The following LIN7B variants were observed in gnomAD, a reference collection of about 807,000 sequenced individuals.
LIN7B encodes the protein lin-7 cell polarity scaffold B.
LIN7B carries 16 observed loss-of-function variants against 27.9 expected under a neutral mutation model. The ratio of observed to expected loss-of-function variants is 0.57; its 90% CI spans 0.39 to 0.87. The LOEUF (loss-of-function observed/expected upper bound fraction) is 0.87. LIN7B is among the 40% of genes least tolerant of loss of function. The pLI is 0.00. For missense variants in LIN7B, 291 were observed against 288.5 expected, an observed-to-expected ratio of 1.01 and a Z score of -0.06; for synonymous variants, 147 against 120.8, an observed-to-expected ratio of 1.22 and a Z score of -1.42.
intron 2 of LIN7B, 89 bp from the exon 3 acceptor site, chr19:49,115,171 G>A (rs1031339653): frequency 5.1e-6 from 6 of 1,177,918 alleles, no homozygotes; most frequent in African/African-American, 1.6e-5. Context: ...ATCCTTGCGT[G>A]GTAGCGGGAG....
chr19:49,117,869 G>A lies in LIN7B; in HGVS notation c.453G>A (p.Glu151=), dbSNP rs1297073821. The A allele has an allele frequency of 2.5e-6, 4 of 1,613,462 alleles. No individual in the cohort carries two copies. The highest frequency in any genetic ancestry group is 1.7e-5 in the Admixed American group (1 of 59,956). ...LSVNGVSVEG[E]QHEKAVELLK... ...GGGCCCTGCAGAGCGTTGAGGGTGAGCAGCATGAGAAGGCGGTGGAGCTGC... is the reference window on the plus strand; with the variant it reads ...GGGCCCTGCAGAGCGTTGAGGGTGAACAGCATGAGAAGGCGGTGGAGCTGC... Residue 151 remains glutamate, a synonymous_variant, in exon 5 of 6, where the codon GAG becomes GAA. Coordinates refer to ENST00000221459, the MANE Select transcript of LIN7B (RefSeq NM_022165.3).
chr19:49,115,343 A>T lies in LIN7B; in HGVS notation c.228+12A>T, dbSNP rs2040808390. ...ATGCCACAGCCAAGGTGGGCCCCGC[A>T]CCCCATTGCTCCTGGTGTCTATTTA... On this transcript the variant is annotated intron_variant, in intron 3 of 5. Coordinates refer to ENST00000221459, the MANE Select transcript of LIN7B (RefSeq NM_022165.3). 6.4e-7 allele frequency: 1 copy of T among 1,563,660 alleles called. No homozygotes were observed. Among genetic ancestry groups the T allele is most frequent in the Non-Finnish European group, 8.7e-7 (1 of 1,153,072 alleles).
intron 2 of LIN7B, 128 bp downstream of exon 2, chr19:49,115,095 C>A: frequency 1.1e-6 from 1 of 880,462 alleles, no homozygotes; most frequent in Non-Finnish European, 1.6e-6. Context: ...GGGGTGCCAA[C>A]GCTTCAGCTC....
intron 3 of LIN7B, chr19:49,116,030 A>T: frequency 2.2e-6 from 1 of 452,828 alleles, no homozygotes; most frequent in Non-Finnish European, 3.9e-6. Context: ...AAAAAGTAAG[A>T]TTGGCAAGTA....
chr19:49,115,243 G>T lies in LIN7B; in HGVS notation c.157-17G>T. The T allele has an allele frequency of 1.3e-6, 2 of 1,546,188 alleles. No individual in the cohort carries two copies. The highest frequency in any genetic ancestry group is 1.4e-5 in the African/African-American group (1 of 72,956). On this transcript the variant is annotated splice_polypyrimidine_tract_variant and intron_variant, in intron 2 of 5. Coordinates refer to ENST00000221459, the MANE Select transcript of LIN7B (RefSeq NM_022165.3). ...GAGGAGCTGGCGACTCCCTGATGCC[G>T]CTGCCTCCTCACCCAGGTGTATGAG... is the stretch of plus-strand genomic sequence containing the variant.
In LIN7B at chr19:49,116,411, G is replaced by T; in HGVS notation, c.377G>T (p.Gly126Val). The T allele has an allele frequency of 1.2e-6, 2 of 1,614,262 alleles. No homozygotes were observed. The highest frequency in any genetic ancestry group is 8.5e-7 in the Non-Finnish European group (1 of 1,180,040). Residue 126 changes from glycine (G) to valine (V), a missense_variant, in exon 4 of 6, where the codon GGT (glycine) becomes GTT (valine). Physicochemically the swap from Gly to Val is moderately radical, Grantham distance 109. Transcript: ENST00000221459. ...TACATCTCCCGGGTCATCCCAGGGG[G>T]TGTGGCTGACCGCCATGGAGGCCTC... ...PIYISRVIPG[G>V]VADRHGGLKR...
Position 49,116,406 on chromosome 19 carries a change from A to G in LIN7B, c.372A>G (p.Pro124=). 1.2e-6 allele frequency: 2 copies of G among 1,614,200 alleles called. No individual in the cohort carries two copies. Among genetic ancestry groups the G allele is most frequent in the African/African-American group, 2.7e-5 (2 of 75,058 alleles). The change falls in exon 4 of 6, where the codon CCA becomes CCG. Residue 124 remains proline (P), a synonymous_variant. Transcript: ENST00000221459. ...NSPIYISRVI[P]GGVADRHGGL... ...CCATCTACATCTCCCGGGTCATCCC[A>G]GGGGGTGTGGCTGACCGCCATGGAG...
At chr19:49,118,256 A>G in intron 5 of LIN7B, 96 bp from the exon 6 acceptor site, 2 of 1,443,780 alleles carry the variant, frequency 1.4e-6, no homozygotes, top group Non-Finnish European at 1.9e-6. Flanking sequence ...CCCTCAGCCC[A>G]CTTACCTGGG....
At chr19:49,118,048 G>T in intron 5 of LIN7B, 30 bp downstream of exon 5, 1 of 1,611,396 alleles carries the variant, frequency 6.2e-7, no homozygotes, top group Non-Finnish European at 8.5e-7. Context: ...CACCCCTGGG[G>T]CCTCCACGGG....
At chr19:49,114,679 C>T (rs1479573606) in intron 1 of LIN7B, 170 bp from the exon 2 acceptor site, 2 of 448,030 alleles carry the variant, frequency 4.5e-6, no homozygotes, top group Non-Finnish European at 7.4e-6. Flanking sequence ...GCCGCAGGGC[C>T]GCTGGTGGCA....
intron 3 of LIN7B, 172 bp downstream of exon 3, chr19:49,115,503 C>T (rs2040811426): frequency 1.6e-6 from 1 of 617,282 alleles, no homozygotes; most frequent in African/African-American, 1.9e-5. Flanking sequence ...CATACTAAGG[C>T]ATCTTTAGCA....
chr19:49,118,145 C>T (rs1242944075), intron 5 of LIN7B, 127 bp downstream of exon 5: 13 of 1,475,788 alleles, frequency 8.8e-6, no homozygotes, highest in Non-Finnish European at 1.2e-5. Flanking sequence ...TGACCCTTGA[C>T]CCTTGGCCCA....
rs770713989 is a variant in LIN7B, at chr19:49,116,266, A to G, written c.232A>G (p.Thr78Ala). Reference protein sequence around the residue: ...EIRAHATAKATVAAFTASEGH... With the variant: ...EIRAHATAKAAVAAFTASEGH... Reference sequence around the variant, plus strand: ...TCAGTCGCTTTCTCTCTCCCAGGCCACAGTGGCTGCCTTCACAGCCAGCGA... The same window carrying G: ...TCAGTCGCTTTCTCTCTCCCAGGCCGCAGTGGCTGCCTTCACAGCCAGCGA... The change falls in exon 4 of 6, where the codon ACA becomes GCA. Residue 78 changes from threonine (T) to alanine (A), a missense_variant. Transcript: ENST00000221459. The G allele has an allele frequency of 7.4e-6, 12 of 1,612,626 alleles. No individual in the cohort carries two copies. The Admixed American group carries it at 1.8e-4, about 25-fold the overall frequency.
intron 5 of LIN7B, 162 bp downstream of exon 5, chr19:49,118,180 C>G: frequency 2.2e-6 from 3 of 1,359,582 alleles, no homozygotes; most frequent in Non-Finnish European, 3.1e-6. Context: ...GCTAGTTTGG[C>G]CAAATCCCCT....
Position 49,116,373 on chromosome 19 carries a change from A to C in LIN7B, c.339A>C (p.Gln113His). The stretch of plus-strand genomic sequence containing the variant: ...TCAACATCATGGGTGGCAAAGAGCA[A>C]AACTCGCCCATCTACATCTCCCGGG... ...LGFNIMGGKEQNSPIYISRVI... is the reference protein window; with the variant it reads ...LGFNIMGGKEHNSPIYISRVI... The change falls in exon 4 of 6, where the codon CAA becomes CAC. Residue 113 changes from glutamine to histidine, a missense_variant. By Grantham distance (24) the Gln-to-His change is conservative. Coordinates refer to ENST00000221459, the MANE Select transcript of LIN7B (RefSeq NM_022165.3). 1 of 1,614,216 alleles carries C rather than the reference A, an allele frequency of 6.2e-7. No individual in the cohort carries two copies. The highest frequency in any genetic ancestry group is 8.5e-7 in the Non-Finnish European group (1 of 1,180,032).
Position 49,118,174 on chromosome 19 carries a change from G to C in LIN7B, c.602+156G>C, listed in dbSNP as rs564394228. On this transcript the variant is annotated intron_variant, in intron 5 of 5. Transcript: ENST00000221459. The stretch of plus-strand genomic sequence containing the variant: ...TGGCCCAGGCTCTCACCCCAGGCTA[G>C]TTTGGCCAAATCCCCTGGGGAGCCC... The C allele has an allele frequency of 5.1e-6, 7 of 1,382,618 alleles. No individual in the cohort carries two copies. The Admixed American group carries it at 1.4e-4, about 28-fold the overall frequency. 85.6% of individuals were successfully genotyped at this position (1,382,618 alleles called of 1,614,324 possible). A position where few individuals can be genotyped will look rare whatever the true frequency, so the allele number is the denominator to read the frequency against.
chr19:49,114,391 G>T lies in LIN7B; in HGVS notation c.-14G>T. The T allele has an allele frequency of 8.4e-7, 1 of 1,197,540 alleles. No homozygotes were observed. Among genetic ancestry groups the T allele is most frequent in the Non-Finnish European group, 1.0e-6 (1 of 965,832 alleles). The allele number at this position is 1,197,540 out of a possible 1,614,324, so 74.2% of individuals were successfully genotyped here. Reference sequence around the variant, plus strand: ...CGCCAGGGCAGGCGGGCGGCTGGCAGCTGTGGCGCCGACATGGCTGCGCTG... The same window carrying T: ...CGCCAGGGCAGGCGGGCGGCTGGCATCTGTGGCGCCGACATGGCTGCGCTG... On this transcript the variant is annotated 5_prime_UTR_variant, in exon 1 of 6. Transcript: ENST00000221459.
chr19:49,114,833 C>G lies in LIN7B; in HGVS notation c.38-16C>G, dbSNP rs760128062. 8 of 1,403,456 alleles carry G rather than the reference C, an allele frequency of 5.7e-6. No homozygotes were observed. The African/African-American group carries it at 1.2e-4, about 21-fold the overall frequency. 86.9% of individuals were successfully genotyped at this position (1,403,456 alleles called of 1,614,324 possible). On this transcript the variant is annotated splice_polypyrimidine_tract_variant and intron_variant, in intron 1 of 5. Transcript: ENST00000221459. ...TCTGACACTCGGGGTTTCTGCGCCCCGCCCCCGCCCCGCAGACGTGTCCCG... is the reference window on the plus strand; with the variant it reads ...TCTGACACTCGGGGTTTCTGCGCCCGGCCCCCGCCCCGCAGACGTGTCCCG...
rs748569438 is a variant in LIN7B, at chr19:49,115,001, TG to T, written c.156+36del. On this transcript the variant is annotated intron_variant, in intron 2 of 5. Transcript: ENST00000221459. ...CGCGCGGCGCAGGGGCGCGAGCTGG[TG>T]GCCGTCGTCCTCCTCCTCCTCCTCC... The T allele has an allele frequency of 9.1e-6, 12 of 1,315,212 alleles. No homozygotes were observed. In the South Asian group the frequency reaches 1.6e-4, roughly 18 times the overall value. The allele number at this position is 1,315,212 out of a possible 1,614,324, so 81.5% of individuals were successfully genotyped here.
Sources: gnomAD v4.1 joint callset for allele counts on GRCh38, gnomAD v4.1.1 for gene constraint, MANE v1.5 for transcripts, NCBI Gene and HGNC (gene_info 2026-07-23, HGNC 2026-07-21) for gene names.